Variants in IL1R1 observed in about 807,000 individuals in gnomAD.
IL1R1 encodes interleukin-1 receptor type 1.
In IL1R1, 22 loss-of-function variants were observed where a neutral mutation model predicts 50.2. The observed-to-expected ratio is 0.44, with a 90% CI of 0.31 to 0.63. IL1R1 has a LOEUF of 0.63. Ranked by LOEUF, IL1R1 falls within the 20% of genes least tolerant of loss-of-function variation. The pLI is 0.07. For missense variants in IL1R1, 509 were observed against 676.2 expected (o/e 0.75, Z 2.74); for synonymous variants, 251 against 236.7 (o/e 1.06, Z -0.55).
chr2:102,096,293 C>T (rs967884285), intron 1 of IL1R1, among the ~76,000 whole-genome samples: 1 of 152,160 alleles, frequency 6.6e-6, no homozygotes, highest in Non-Finnish European at 1.5e-5. Flanking sequence ...TAAGCTGAAC[C>T]TTCAGATAGG....
In IL1R1 at chr2:102,168,563, G is replaced by A. The variant is rs756976874; in HGVS notation, c.656-35G>A. ...CGTCACTTGAGATTCTGATCTATAAGAGACTGACAAACCTTATGGATGTTT... is the reference window on the plus strand; with the variant it reads ...CGTCACTTGAGATTCTGATCTATAAAAGACTGACAAACCTTATGGATGTTT... On this transcript the variant is annotated intron_variant, in intron 6 of 11. Transcript: ENST00000410023. The A allele has an allele frequency of 3.2e-6, 5 of 1,556,734 alleles. 1 individual carries two copies. In the South Asian group the frequency reaches 5.6e-5, roughly 17 times the overall value.
chr2:102,164,697 GTT>G, intron 3 of IL1R1, 75 bp from the exon 4 acceptor site: 1 of 882,148 alleles, frequency 1.1e-6, no homozygotes, highest in South Asian at 1.6e-5. Context: ...TAATCAATGT[GTT>G]TCTTCGTAGA....
At chr2:102,106,720 A>C (rs1680435233) in intron 1 of IL1R1, among the ~76,000 whole-genome samples, 1 of 152,180 alleles carries the variant, frequency 6.6e-6, no homozygotes, top group African/African-American at 2.4e-5. Flanking sequence ...ATTTTGAAGA[A>C]ATATATTTGT....
chr2:102,163,381 A>C (rs1044560183), intron 3 of IL1R1, among the ~76,000 whole-genome samples: 1 of 152,146 alleles, frequency 6.6e-6, no homozygotes, highest in Non-Finnish European at 1.5e-5. Context: ...CCTAAGTAAA[A>C]TAATTCCCTG....
chr2:102,112,723 ATACTT>A (rs780101354), intron 1 of IL1R1, among the ~76,000 whole-genome samples: 98 of 152,226 alleles, frequency 6.4e-4, no homozygotes, highest in Non-Finnish European at 1.3e-3. Context: ...ATGGAAATAA[ATACTT>A]TAATAGTTTT....
At chr2:102,116,127 G>T (rs935694757) in intron 1 of IL1R1, among the ~76,000 whole-genome samples, 7 of 152,224 alleles carry the variant, frequency 4.6e-5, no homozygotes, top group Non-Finnish European at 8.8e-5. Context: ...AGGTGGGTGC[G>T]TTGCACTGGG....
At chr2:102,094,736 A>G (rs1679823881) in intron 1 of IL1R1, among the ~76,000 whole-genome samples, 1 of 152,222 alleles carries the variant, frequency 6.6e-6, no homozygotes. Flanking sequence ...ACCAGGTTGC[A>G]GTCAGCCAAC....
At chr2:102,127,868 T>G (rs1373134973) in intron 1 of IL1R1, among the ~76,000 whole-genome samples, 1 of 152,130 alleles carries the variant, frequency 6.6e-6, no homozygotes, top group Non-Finnish European at 1.5e-5. Context: ...CAATGAAAAA[T>G]GAAGAGAAAC....
At chr2:102,166,035 A>C (rs1685152325) in intron 5 of IL1R1, 78 bp from the exon 6 acceptor site, 1 of 1,267,196 alleles carries the variant, frequency 7.9e-7, no homozygotes, top group East Asian at 2.3e-5. Context: ...AAGGTGAAAA[A>C]AATGGAGCTC....
intron 3 of IL1R1, 22 bp from the exon 4 acceptor site, chr2:102,164,752 T>C: frequency 6.4e-7 from 1 of 1,551,542 alleles, no homozygotes. Flanking sequence ...GTAAATTGCT[T>C]CCACCCTTCT....
chr2:102,109,111 T>G (rs1157974517), intron 1 of IL1R1, among the ~76,000 whole-genome samples: 1 of 152,112 alleles, frequency 6.6e-6, no homozygotes, highest in Non-Finnish European at 1.5e-5. Context: ...AGAGAGTGAT[T>G]TGCTAGGGTT....
At chr2:102,073,393 G>A (rs1678823205) in intron 1 of IL1R1, among the ~76,000 whole-genome samples, 1 of 152,160 alleles carries the variant, frequency 6.6e-6, no homozygotes, top group Non-Finnish European at 1.5e-5. Context: ...AAGAAAAGCT[G>A]GGGTGGAAAG....
intron 9 of IL1R1, among the ~76,000 whole-genome samples, chr2:102,174,247 C>G (rs949287148): frequency 2.6e-5 from 4 of 152,210 alleles, no homozygotes; most frequent in African/African-American, 7.2e-5. Context: ...CCAATGGACT[C>G]TCTGACCTCA....
intron 1 of IL1R1, among the ~76,000 whole-genome samples, chr2:102,084,128 G>A (rs1679337767): frequency 6.6e-6 from 1 of 152,124 alleles, no homozygotes; most frequent in African/African-American, 2.4e-5. Context: ...AAACTAAGAT[G>A]TAGCAGTTAT....
intron 1 of IL1R1, among the ~76,000 whole-genome samples, chr2:102,112,324 G>T (rs1312757281): frequency 6.6e-6 from 1 of 151,586 alleles, no homozygotes; most frequent in Non-Finnish European, 1.5e-5. Flanking sequence ...GTGTGTGTGT[G>T]TGTGTGTGTG....
upstream of IL1R1, among the ~76,000 whole-genome samples, chr2:102,100,648 G>A (rs911039338): frequency 2.6e-5 from 4 of 152,120 alleles, no homozygotes; most frequent in Admixed American, 1.3e-4. Flanking sequence ...GTCATTTCAT[G>A]CTTTCTCTTG....
At chr2:102,112,222 C>T (rs559147536) in intron 1 of IL1R1, among the ~76,000 whole-genome samples, 6 of 151,750 alleles carry the variant, frequency 4.0e-5, no homozygotes, top group Admixed American at 1.3e-4. Flanking sequence ...GAGACCGAGA[C>T]AAAATATTGT....
chr2:102,168,812 A>G, intron 7 of IL1R1, 149 bp downstream of exon 7: 1 of 602,498 alleles, frequency 1.7e-6, no homozygotes, highest in Non-Finnish European at 2.9e-6. Flanking sequence ...ATTATATCTT[A>G]ATTTTTTGTA....
At chr2:102,096,733 T>A (rs1186830483) in intron 1 of IL1R1, among the ~76,000 whole-genome samples, 3 of 152,096 alleles carry the variant, frequency 2.0e-5, no homozygotes, top group African/African-American at 7.2e-5. Context: ...TATATTAATC[T>A]TTATATATTT....
Sources: allele counts gnomAD v4.1 joint callset (sites outside exome capture counted in the v4.1 genomes callset), GRCh38; gene constraint gnomAD v4.1.1; transcripts MANE v1.5; gene names NCBI Gene and HGNC (gene_info 2026-07-23, HGNC 2026-07-21).